Variants in DOCK3 observed in about 807,000 individuals in gnomAD.
DOCK3 encodes dedicator of cytokinesis protein 3.
In DOCK3, 60 loss-of-function variants were observed where a neutral mutation model predicts 265.6. The ratio of observed to expected loss-of-function variants is 0.23; its 90% CI spans 0.18 to 0.28. The LOEUF is 0.28. Among genes scored for constraint, DOCK3 ranks in the 10% least tolerant of loss-of-function variants. DOCK3 has a pLI of 1.00. For missense variants in DOCK3, 1,981 were observed against 2,594.3 expected (o/e 0.76, Z 5.14); for synonymous variants, 881 against 938.0 (o/e 0.94, Z 1.11).
chr3:50,831,470 C>T (rs2045168971), intron 2 of DOCK3, among the ~76,000 whole-genome samples: 1 of 152,018 alleles, frequency 6.6e-6, no homozygotes, highest in Non-Finnish European at 1.5e-5. Flanking sequence ...TGAGTGAGAA[C>T]ATGTGGTGTT....
intron 24 of DOCK3, among the ~76,000 whole-genome samples, chr3:51,274,219 C>T (rs1309307314): frequency 6.6e-6 from 1 of 152,186 alleles, no homozygotes; most frequent in East Asian, 1.9e-4. Context: ...GGTCATGCTT[C>T]AATTGTGTTC....
intron 14 of DOCK3, among the ~76,000 whole-genome samples, chr3:51,221,369 G>C (rs1461642814): frequency 6.6e-6 from 1 of 152,128 alleles, no homozygotes; most frequent in East Asian, 1.9e-4. Context: ...GTAAACTATA[G>C]CCTATGGGCC....
chr3:50,933,778 A>G lies in DOCK3; in HGVS notation c.219-203A>G, dbSNP rs541371506. ...AAGTAAAATTGAGGACATACAGTAA[A>G]ACCCAAATCTCTTTACTTTAATTCA... On this transcript the variant is annotated intron_variant, in intron 4 of 52. Transcript: ENST00000266037. Among the ~76,000 whole-genome samples the G allele has an allele frequency of 2.0e-5, 3 of 152,326 alleles. No homozygotes were observed. The East Asian group carries it at 5.8e-4, about 29-fold the overall frequency.
chr3:51,028,655 C>T (rs1001328893), intron 5 of DOCK3, among the ~76,000 whole-genome samples: 2 of 152,006 alleles, frequency 1.3e-5, no homozygotes, highest in Non-Finnish European at 2.9e-5. Context: ...AGTGGGTTGA[C>T]TCAAAGACTG....
At chr3:51,314,274 T>C (rs1649039945) in intron 31 of DOCK3, among the ~76,000 whole-genome samples, 1 of 152,178 alleles carries the variant, frequency 6.6e-6, no homozygotes, top group South Asian at 2.1e-4. Context: ...ACACTTACCA[T>C]GGAAATGCTT....
intron 1 of DOCK3, among the ~76,000 whole-genome samples, chr3:50,767,404 G>A (rs1034047181): frequency 6.6e-6 from 1 of 152,102 alleles, no homozygotes; most frequent in Admixed American, 6.6e-5. Context: ...GTTTTTGTTA[G>A]GTTTCTCAAA....
chr3:51,109,580 T>A (rs551748420), intron 9 of DOCK3, among the ~76,000 whole-genome samples: 1 of 152,204 alleles, frequency 6.6e-6, no homozygotes, highest in East Asian at 1.9e-4. Flanking sequence ...ATCAAGATGA[T>A]TTTTTGAAAA....
chr3:51,262,560 A>G (rs918552055), intron 23 of DOCK3, among the ~76,000 whole-genome samples: 1 of 152,234 alleles, frequency 6.6e-6, no homozygotes, highest in African/African-American at 2.4e-5. Context: ...ACCTGGACAG[A>G]GAATGAGTTT....
At chr3:51,368,537 A>C (rs1232843870) in intron 49 of DOCK3, among the ~76,000 whole-genome samples, 2 of 152,220 alleles carry the variant, frequency 1.3e-5, no homozygotes, top group African/African-American at 4.8e-5. Context: ...AGGCTTGAGT[A>C]GGTAAACAAA....
intron 5 of DOCK3, among the ~76,000 whole-genome samples, chr3:50,940,084 C>CACACACAAACACACAT (rs2076246663): frequency 4.8e-5 from 1 of 20,828 alleles, no homozygotes; most frequent in Admixed American, 5.6e-4. Context: ...CAAACACACA[C>CACACACAAACACACAT]ACACATTCAT....
At chr3:51,062,214 C>T (rs1446327056) in intron 5 of DOCK3, among the ~76,000 whole-genome samples, 3 of 152,160 alleles carry the variant, frequency 2.0e-5, no homozygotes, top group African/African-American at 4.8e-5. Flanking sequence ...CTCCAAATCT[C>T]CAGTAACTTC....
intron 33 of DOCK3, among the ~76,000 whole-genome samples, chr3:51,330,888 AG>A (rs1279614055): frequency 1.3e-5 from 2 of 152,242 alleles, no homozygotes; most frequent in East Asian, 3.8e-4. Flanking sequence ...TTATAGCTCT[AG>A]AATACCCTCC....
At chr3:51,311,701 A>G (rs2109567767) in intron 28 of DOCK3, among the ~76,000 whole-genome samples, 1 of 152,302 alleles carries the variant, frequency 6.6e-6, no homozygotes, top group East Asian at 1.9e-4. Context: ...ACCACCTTTT[A>G]TAGGCAGGGA....
intron 27 of DOCK3, among the ~76,000 whole-genome samples, chr3:51,291,185 G>A (rs2081747585): frequency 1.3e-5 from 2 of 152,068 alleles, no homozygotes; most frequent in Admixed American, 1.3e-4. Context: ...AGCAATAAAT[G>A]CCTACATCAA....
intron 1 of DOCK3, among the ~76,000 whole-genome samples, chr3:50,739,185 A>G (rs2038848174): frequency 6.6e-6 from 1 of 152,078 alleles, no homozygotes; most frequent in Non-Finnish European, 1.5e-5. Flanking sequence ...TTCTTGTTTC[A>G]TTTACCTGTT....
intron 3 of DOCK3, among the ~76,000 whole-genome samples, chr3:50,858,607 A>G (rs1278602239): frequency 1.3e-5 from 2 of 151,984 alleles, no homozygotes; most frequent in East Asian, 3.8e-4. Flanking sequence ...AAACCTTGGA[A>G]AATCTGACAG....
Position 51,357,067 on chromosome 3 carries a change from A to G in DOCK3, c.4609A>G (p.Ile1537Val). The G allele has an allele frequency of 6.2e-7, 1 of 1,613,224 alleles. No homozygotes were observed. Among genetic ancestry groups the G allele is most frequent in the Non-Finnish European group, 8.5e-7 (1 of 1,179,900 alleles). Reference sequence around the variant, plus strand: ...TCAACACAAGCAGGTGCATGGCAACATTAACCTGCTAAGCATGTGCCTGAA... The same window carrying G: ...TCAACACAAGCAGGTGCATGGCAACGTTAACCTGCTAAGCATGTGCCTGAA... ...QYQHKQVHGN[I>V]NLLSMCLNGV... The change falls in exon 44 of 53, where the codon ATT (isoleucine) becomes GTT (valine). Residue 1537 changes from isoleucine (I) to valine (V), a missense_variant. Ile to Val is a conservative substitution (Grantham distance 29). This residue lies in a region of DOCK3 where 1,357 missense variants were observed against 1,866.8 expected (regional missense o/e 0.73). Coordinates refer to ENST00000266037, the MANE Select transcript of DOCK3 (RefSeq NM_004947.5).
intron 5 of DOCK3, among the ~76,000 whole-genome samples, chr3:50,947,866 T>C (rs1028482851): frequency 2.0e-5 from 3 of 150,082 alleles, no homozygotes; most frequent in Admixed American, 6.6e-5. Flanking sequence ...TTTTCTTTTT[T>C]TTTTTTTTTT....
intron 9 of DOCK3, among the ~76,000 whole-genome samples, chr3:51,103,209 G>A (rs185622404): frequency 6.6e-6 from 1 of 152,254 alleles, no homozygotes; most frequent in East Asian, 1.9e-4. Flanking sequence ...AGAATGGAGA[G>A]AAATATATAG....
Sources: allele counts gnomAD v4.1 joint callset (sites outside exome capture counted in the v4.1 genomes callset), GRCh38; gene constraint gnomAD v4.1.1; regional missense constraint gnomAD v4.1.1; transcripts MANE v1.5; gene names NCBI Gene and HGNC (gene_info 2026-07-23, HGNC 2026-07-21).